PCDHGA7: variants seen among roughly 807,000 people sequenced by gnomAD.
PCDHGA7 encodes protocadherin gamma-A7.
PCDHGA7 carries 44 observed loss-of-function variants against 58.3 expected under a neutral mutation model. That is an observed-to-expected ratio of 0.75 (90% CI 0.59 to 0.97). The LOEUF (loss-of-function observed/expected upper bound fraction) is 0.97, where lower values mean the gene tolerates loss of function less well. Ranked by LOEUF, PCDHGA7 falls within the 50% of genes least tolerant of loss-of-function variation. PCDHGA7 has a pLI of 0.00. For synonymous variants in PCDHGA7, 516 were observed against 504.2 expected (o/e 1.02, Z -0.31); for missense variants, 1,266 against 1,188.7 (o/e 1.06, Z -0.96).
intron 2 of PCDHGA7, among the ~76,000 whole-genome samples, chr5:141,499,102 C>T (rs1172661012): frequency 1.3e-5 from 2 of 152,170 alleles, no homozygotes; most frequent in Admixed American, 6.5e-5. Context: ...TGCTTCTCCT[C>T]CCCACCACTA....
chr5:141,403,038 G>A, intron 1 of PCDHGA7: 1 of 1,614,088 alleles, frequency 6.2e-7, no homozygotes, highest in Non-Finnish European at 8.5e-7. Context: ...GCCAGGGCCA[G>A]TCAGATTCGC....
At chr5:141,424,016 T>G in intron 1 of PCDHGA7, 16 of 1,038,360 alleles carry the variant, frequency 1.5e-5, no homozygotes, top group Non-Finnish European at 1.3e-5. Context: ...AAATTAATGA[T>G]TCACAAACAC....
intron 1 of PCDHGA7, chr5:141,428,680 G>T: frequency 6.1e-6 from 1 of 162,778 alleles, no homozygotes; most frequent in Admixed American, 5.8e-5. Context: ...ATTTACAAAT[G>T]GATGAGGTTT....
intron 1 of PCDHGA7, chr5:141,423,660 G>T (rs765304048): frequency 1.3e-6 from 2 of 1,560,582 alleles, no homozygotes; most frequent in Non-Finnish European, 8.6e-7. Context: ...CAAGTAATCA[G>T]GTGAGATTTA....
In PCDHGA7 at chr5:141,477,510, A is replaced by G; in HGVS notation, c.2425-17297A>G. On this transcript the variant is annotated intron_variant, in intron 1 of 3. Transcript: ENST00000518325. This position sits in a 1 kb window ranked among gnomAD's most constrained non-coding sequence, Gnocchi z 4.9. ...TCTTCTCAATCTTCCTACGACGTTT[A>G]CATTGAAGAAAACAACCTCCCCGGG... is the stretch of plus-strand genomic sequence containing the variant. 3 of 1,614,172 alleles carry G rather than the reference A, an allele frequency of 1.9e-6. No homozygotes were observed. Among genetic ancestry groups the G allele is most frequent in the Non-Finnish European group, 2.5e-6 (3 of 1,180,018 alleles).
chr5:141,403,388 G>A (rs1376620471), intron 1 of PCDHGA7: 1 of 1,613,904 alleles, frequency 6.2e-7, no homozygotes, highest in African/African-American at 1.3e-5. Context: ...TAACGAAATC[G>A]CGGTTCCTGG....
At chr5:141,419,024 G>A (rs1423033793) in intron 1 of PCDHGA7, 2 of 1,613,874 alleles carry the variant, frequency 1.2e-6, no homozygotes, top group Admixed American at 1.7e-5. Flanking sequence ...CTTAAGTAGA[G>A]GTGTTCCATT....
chr5:141,412,285 C>T (rs957716949), intron 1 of PCDHGA7: 3 of 152,194 alleles, frequency 2.0e-5, no homozygotes, highest in Non-Finnish European at 4.4e-5. Context: ...TCAAATTCTA[C>T]GTATTTCTTT....
Position 141,383,013 on chromosome 5 carries a change from G to A in PCDHGA7, c.114G>A (p.Glu38=), listed in dbSNP as rs1209966350. Reference sequence around the variant, plus strand: ...GTATTCTCTACTCCGTGTCGGAGGAGACGGACAAAGGGTCCTTTGTGGGAG... The same window carrying A: ...GTATTCTCTACTCCGTGTCGGAGGAAACGGACAAAGGGTCCTTTGTGGGAG... ...AGRILYSVSE[E]TDKGSFVGDI... The change falls in exon 1 of 4, where the codon GAG becomes GAA. Residue 38 remains glutamate (E), a synonymous_variant. Coordinates refer to ENST00000518325, the MANE Select transcript of PCDHGA7 (RefSeq NM_018920.4). 6 of 1,613,828 alleles carry A rather than the reference G, an allele frequency of 3.7e-6. No individual in the cohort carries two copies. The East Asian group carries it at 6.7e-5, about 18-fold the overall frequency.
chr5:141,428,773 T>C (rs1036838681), intron 1 of PCDHGA7: 1 of 154,174 alleles, frequency 6.5e-6, no homozygotes, highest in Admixed American at 6.4e-5. Context: ...CCACTCTTAA[T>C]ATTTCCTGTT....
chr5:141,410,699 A>G (rs760193148), intron 1 of PCDHGA7: 1 of 1,478,344 alleles, frequency 6.8e-7, no homozygotes, highest in East Asian at 2.3e-5. Flanking sequence ...CTTTATTTTC[A>G]TATCTAGAAT....
chr5:141,428,459 A>C, intron 1 of PCDHGA7: 2 of 350,154 alleles, frequency 5.7e-6, no homozygotes, highest in Non-Finnish European at 5.5e-6. Context: ...CCCAACTACA[A>C]TGAGGGAACT....
At position 141,487,344 on chromosome 5, in the gene PCDHGA7, C is replaced by T. The variant is rs1232854025; in HGVS notation, c.2425-7463C>T. On this transcript the variant is annotated intron_variant, in intron 1 of 3. Coordinates refer to ENST00000518325, the MANE Select transcript of PCDHGA7 (RefSeq NM_018920.4). This position sits in a 1 kb window ranked among gnomAD's most constrained non-coding sequence, Gnocchi z 5.0. ...CTTCGTGGGGCAGCCTGTGGAGTCA[C>T]ATGCTTTCCTGCTGGCACCTGTGCC... 3 of 1,614,208 alleles carry T rather than the reference C, an allele frequency of 1.9e-6. No individual in the cohort carries two copies. The highest frequency in any genetic ancestry group is 3.3e-5 in the Admixed American group (2 of 60,024).
rs1177173734 is a variant in PCDHGA7, at chr5:141,491,741, G to T, written c.2425-3066G>T. 1.3e-6 allele frequency: 2 copies of T among 1,595,762 alleles called. No individual in the cohort carries two copies. On this transcript the variant is annotated intron_variant, in intron 1 of 3. Transcript: ENST00000518325. This position sits in a 1 kb window ranked among gnomAD's most constrained non-coding sequence, Gnocchi z 6.9. ...CCGCCCCGGGCGACCCCTGGGGGCG[G>T]CACTGGAGAAGCCGCCCGTCCTCAT... is the stretch of plus-strand genomic sequence containing the variant.
Position 141,486,914 on chromosome 5 carries a change from C to T in PCDHGA7, c.2425-7893C>T, listed in dbSNP as rs1469857080. On this transcript the variant is annotated intron_variant, in intron 1 of 3. Coordinates refer to ENST00000518325, the MANE Select transcript of PCDHGA7 (RefSeq NM_018920.4). This position sits in a 1 kb window ranked among gnomAD's most constrained non-coding sequence, Gnocchi z 5.0. ...TGGTTCCTTATGTCCCCAAGCACTG[C>T]CTCCATCAGTTGGTGCTGGCCACCT... The T allele has an allele frequency of 6.2e-7, 1 of 1,614,236 alleles. No individual in the cohort carries two copies.
chr5:141,421,425 C>T, intron 1 of PCDHGA7: 1 of 1,614,100 alleles, frequency 6.2e-7, no homozygotes, highest in Non-Finnish European at 8.5e-7. Context: ...GCGGAGTCCG[C>T]ATCGTCTCCA....
intron 1 of PCDHGA7, among the ~76,000 whole-genome samples, chr5:141,494,328 G>T (rs1595238527): frequency 6.6e-6 from 1 of 152,200 alleles, no homozygotes; most frequent in Non-Finnish European, 1.5e-5. Flanking sequence ...CACCAAAAGG[G>T]TTACCAAGAA....
chr5:141,426,898 C>G (rs1246109323), intron 1 of PCDHGA7: 3 of 456,634 alleles, frequency 6.6e-6, no homozygotes, highest in Admixed American at 4.7e-5. Context: ...CAACAGAGCT[C>G]TCATCTCCTG....
At chr5:141,509,968 C>A (rs1450809995) in intron 3 of PCDHGA7, among the ~76,000 whole-genome samples, 1 of 152,166 alleles carries the variant, frequency 6.6e-6, no homozygotes, top group Non-Finnish European at 1.5e-5. Context: ...TGGCCTTGGT[C>A]CTTCTAACAC....
Sources: allele counts gnomAD v4.1 joint callset (sites outside exome capture counted in the v4.1 genomes callset), GRCh38; gene constraint gnomAD v4.1.1; non-coding constraint Gnocchi (gnomAD v3.1); transcripts MANE v1.5; gene names NCBI Gene and HGNC (gene_info 2026-07-23, HGNC 2026-07-21).